FAM13A: variants seen among roughly 807,000 people sequenced by gnomAD.
FAM13A encodes the protein protein FAM13A.
In FAM13A, 76 loss-of-function variants were observed where a neutral mutation model predicts 129.6. That is an observed-to-expected ratio of 0.59 (90% CI 0.49 to 0.71). The LOEUF (loss-of-function observed/expected upper bound fraction) is 0.71, where lower values mean the gene tolerates loss of function less well. FAM13A is among the 30% of genes least tolerant of loss of function. The pLI is 0.00. For missense variants in FAM13A, 1,108 were observed against 1,249.3 expected (o/e 0.89, Z 1.70); for synonymous variants, 443 against 449.9 (o/e 0.98, Z 0.20).
intron 19 of FAM13A, among the ~76,000 whole-genome samples, chr4:88,745,207 T>G (rs1235636876): frequency 6.6e-6 from 1 of 152,106 alleles, no homozygotes. Flanking sequence ...TTAATCTCCT[T>G]GGCAATCTAT....
At chr4:88,853,439 C>T (rs762977582) in intron 6 of FAM13A, among the ~76,000 whole-genome samples, 18 of 151,952 alleles carry the variant, frequency 1.2e-4, no homozygotes, top group Admixed American at 7.2e-4. Context: ...TAAAAATATA[C>T]GCTGTTATAT....
chr4:88,898,860 G>A (rs972248779), intron 6 of FAM13A, among the ~76,000 whole-genome samples: 6 of 152,058 alleles, frequency 3.9e-5, no homozygotes, highest in Non-Finnish European at 7.4e-5. Flanking sequence ...AAAACAGTGT[G>A]GTGATTCCTT....
chr4:88,927,193 C>CTA (rs1752334994), intron 5 of FAM13A, among the ~76,000 whole-genome samples: 1 of 151,312 alleles, frequency 6.6e-6, no homozygotes, highest in South Asian at 2.1e-4. Context: ...AAATATATTC[C>CTA]TATGTATATT....
In FAM13A at chr4:88,886,594, G is replaced by GA. The variant is rs1238251105; in HGVS notation, c.843+19784dup. 1.7e-3 allele frequency among the ~76,000 whole-genome samples: 236 copies of GA among 141,064 alleles called. 2 individuals carry two copies. Among genetic ancestry groups the GA allele is most frequent in the African/African-American group, 5.4e-3 (206 of 38,172 alleles). 92.5% of individuals were successfully genotyped at this position (141,064 alleles called of 152,430 possible). On this transcript the variant is annotated intron_variant, in intron 6 of 23. Coordinates refer to ENST00000264344, the MANE Select transcript of FAM13A (RefSeq NM_014883.4). ...CAAGAGTGAGACTCCATCTTAAAAAGAAAAAAAAAAGAAAGAAATTATGGT... is the reference window on the plus strand; with the variant it reads ...CAAGAGTGAGACTCCATCTTAAAAAGAAAAAAAAAAAGAAAGAAATTATGGT...
chr4:88,921,425 C>T (rs1751067907), intron 5 of FAM13A, among the ~76,000 whole-genome samples: 1 of 152,098 alleles, frequency 6.6e-6, no homozygotes, highest in Admixed American at 6.5e-5. Context: ...GAATTTTCAA[C>T]CCAGAATTTC....
chr4:88,925,387 G>T (rs1014351569), intron 5 of FAM13A, among the ~76,000 whole-genome samples: 1 of 152,124 alleles, frequency 6.6e-6, no homozygotes, highest in Admixed American at 6.5e-5. Context: ...AAAAAATGAT[G>T]AGTTCACATC....
At chr4:88,994,327 G>A (rs2149032269) in intron 3 of FAM13A, among the ~76,000 whole-genome samples, 1 of 152,222 alleles carries the variant, frequency 6.6e-6, no homozygotes, top group South Asian at 2.1e-4. Flanking sequence ...TTATGTATCT[G>A]CATTTTGTAA....
At position 88,878,287 on chromosome 4, in the gene FAM13A, C is replaced by CAAAAAAAA. The variant is rs56067813; in HGVS notation, c.844-27112_844-27105dup. ...TGGGCGACAGAGTGAGACTCCATCTCAAAAAAAAAAAAAAAAAAAAAAAAA... is the reference window on the plus strand; with the variant it reads ...TGGGCGACAGAGTGAGACTCCATCTCAAAAAAAAAAAAAAAAAAAAAAAAAAAAAAAAA... On this transcript the variant is annotated intron_variant, in intron 6 of 23. Coordinates refer to ENST00000264344, the MANE Select transcript of FAM13A (RefSeq NM_014883.4). Among the ~76,000 whole-genome samples the CAAAAAAAA allele has an allele frequency of 3.9e-4, 24 of 61,076 alleles. 1 individual carries two copies. The highest frequency in any genetic ancestry group is 1.1e-3 in the African/African-American group (15 of 13,726). 40.1% of individuals were successfully genotyped at this position (61,076 alleles called of 152,430 possible).
chr4:88,745,589 C>G (rs1741142585), intron 19 of FAM13A, among the ~76,000 whole-genome samples: 1 of 152,328 alleles, frequency 6.6e-6, no homozygotes. Flanking sequence ...GATGGCTACA[C>G]AGAGCAGGGT....
intron 7 of FAM13A, among the ~76,000 whole-genome samples, chr4:88,835,302 T>C (rs905674636): frequency 2.0e-5 from 3 of 152,174 alleles, no homozygotes; most frequent in Admixed American, 2.0e-4. Context: ...CTTTCTCAGC[T>C]TCTCATGCCT....
chr4:88,914,196 G>A (rs550230141), intron 5 of FAM13A, among the ~76,000 whole-genome samples: 1 of 152,162 alleles, frequency 6.6e-6, no homozygotes, highest in South Asian at 2.1e-4. Context: ...TCTTCCCTAT[G>A]TGCACAGTCA....
rs1489222334 is a variant in FAM13A at position 89,020,723 on chromosome 4, C to T, written c.218-54G>A. 1.6e-5 allele frequency: 19 copies of T among 1,167,240 alleles called. No homozygotes were observed. The African/African-American group carries it at 2.0e-4, about 12-fold the overall frequency. The allele number at this position is 1,167,240 out of a possible 1,614,324, so 72.3% of individuals were successfully genotyped here. On this transcript the variant is annotated intron_variant, in intron 2 of 23. Transcript: ENST00000264344. ...AAATAGGTTTCTCACAGACATGAAA[C>T]GTAAAGAATGATAACAACACAAAGA...
Position 88,737,507 on chromosome 4 carries a change from C to A in FAM13A, c.2611G>T (p.Glu871Ter). Residue 871 changes from glutamate (E) to a stop codon, truncating the protein, a stop_gained, in exon 21 of 24, where the codon GAG becomes TAG. Transcript: ENST00000264344. LOFTEE classifies it high-confidence loss of function. The stretch of plus-strand genomic sequence containing the variant: ...TTGAAGAAGGAAGCAGTTTCGCCCT[C>A]GATAATTGGCTGCAGCAAAGGGCTT... ...RRSPLLQPII[E>*]GETASFFKEI... 1 of 1,614,074 alleles carries A rather than the reference C, an allele frequency of 6.2e-7. No individual in the cohort carries two copies. The highest frequency in any genetic ancestry group is 8.5e-7 in the Non-Finnish European group (1 of 1,179,976).
chr4:89,016,477 A>G lies in FAM13A; in HGVS notation c.427+3983T>C, dbSNP rs74594704. 9.7e-3 allele frequency among the ~76,000 whole-genome samples: 1,477 copies of G among 152,292 alleles called. 25 individuals are homozygous for G. The highest frequency in any genetic ancestry group is 0.033 in the African/African-American group (1,391 of 41,572). ...TTTATAAAGCCTACAGTGGTGCAGT[A>G]ATCTCCTAGGCCTTCATATTCACTC... On this transcript the variant is annotated intron_variant, in intron 3 of 23. Transcript: ENST00000264344.
Position 89,029,640 on chromosome 4 carries a change from C to T in FAM13A, c.37G>A (p.Ala13Thr). 6.3e-7 allele frequency: 1 copy of T among 1,575,710 alleles called. No homozygotes were observed. Among genetic ancestry groups the T allele is most frequent in the Non-Finnish European group, 8.6e-7 (1 of 1,168,160 alleles). Residue 13 changes from alanine to threonine, a missense_variant, in exon 2 of 24, where the codon GCA (alanine) becomes ACA (threonine). Physicochemically the swap from Ala to Thr is moderately conservative, Grantham distance 58 (BLOSUM62 0). Transcript: ENST00000264344. ...AGALAICQSK[A>T]AVRLKEDMKK... ...ATGTCTTCTTTCAGCCGAACCGCTG[C>T]TTTACTTTGCTTAAAGGAGCGTAAG...
intron 3 of FAM13A, among the ~76,000 whole-genome samples, chr4:88,992,892 G>A (rs8180279): frequency 0.52 from 78,822 of 151,862 alleles, 20,528 homozygotes; most frequent in Middle Eastern, 0.62. Context: ...CAGTTGTACT[G>A]CCTACATAAG....
At chr4:88,909,570 T>C (rs946405421) in intron 5 of FAM13A, among the ~76,000 whole-genome samples, 1 of 152,046 alleles carries the variant, frequency 6.6e-6, no homozygotes, top group Non-Finnish European at 1.5e-5. Flanking sequence ...CACTGCAACC[T>C]CCGCCTCCCA....
intron 2 of FAM13A, among the ~76,000 whole-genome samples, chr4:89,027,001 C>A (rs1768047357): frequency 1.3e-5 from 2 of 152,156 alleles, no homozygotes; most frequent in Non-Finnish European, 2.9e-5. Flanking sequence ...GACTTGTAAT[C>A]CTGGAAAGAT....
At chr4:88,738,970 A>C in intron 20 of FAM13A, 60 bp downstream of exon 20, 1 of 1,063,916 alleles carries the variant, frequency 9.4e-7, no homozygotes, top group Non-Finnish European at 1.5e-6. Context: ...CTATTCATAT[A>C]TCCAGGGCCC....
Sources: allele counts gnomAD v4.1 joint callset (sites outside exome capture counted in the v4.1 genomes callset), GRCh38; gene constraint gnomAD v4.1.1; transcripts MANE v1.5; gene names NCBI Gene and HGNC (gene_info 2026-07-23, HGNC 2026-07-21).